The following ESYT1 variants were observed in gnomAD, a reference collection of about 807,000 sequenced individuals.
ESYT1 encodes the protein extended synaptotagmin-1.
Under a neutral mutation model 154.2 loss-of-function variants are expected in ESYT1, and 116 were observed. The ratio of observed to expected loss-of-function variants is 0.75; its 90% CI spans 0.65 to 0.88. ESYT1 has a LOEUF of 0.88. Ranked by LOEUF, ESYT1 falls within the 40% of genes least tolerant of loss-of-function variation. The probability of loss-of-function intolerance (pLI) is 0.00; values close to 1 mark genes in which losing one functional copy is unlikely to be tolerated. For synonymous variants in ESYT1, 500 were observed against 539.9 expected (o/e 0.93, Z 1.02); for missense variants, 1,264 against 1,379.3 (o/e 0.92, Z 1.32).
At chr12:56,136,947 G>T in intron 16 of ESYT1, 54 bp downstream of exon 16, 1 of 1,526,146 alleles carries the variant, frequency 6.6e-7, no homozygotes. Context: ...TTGATTCTTT[G>T]GTATTAAGAG....
rs950279702 is a variant in ESYT1 at position 56,131,742 on chromosome 12, C to T, written c.805-7C>T. The stretch of plus-strand genomic sequence containing the variant: ...GATCTGTCCTGACCCCTGCTCTTTC[C>T]CTCCAGACCCTAGACATCAACTGGA... On this transcript the variant is annotated splice_polypyrimidine_tract_variant and splice_region_variant and intron_variant, in intron 6 of 30. Coordinates refer to ENST00000394048, the MANE Select transcript of ESYT1 (RefSeq NM_015292.3). 1 of 1,614,098 alleles carries T rather than the reference C, an allele frequency of 6.2e-7. No homozygotes were observed. The highest frequency in any genetic ancestry group is 8.5e-7 in the Non-Finnish European group (1 of 1,179,998).
At chr12:56,138,627 G>A (rs1220093651) in intron 22 of ESYT1, 128 bp downstream of exon 22, 3 of 1,281,360 alleles carry the variant, frequency 2.3e-6, no homozygotes, top group African/African-American at 1.5e-5. Context: ...TGCAGGGGTG[G>A]GAAAAGTTGT....
At position 56,142,972 on chromosome 12, in the gene ESYT1, T is replaced by C; in HGVS notation, c.2987+39T>C. 6.2e-7 allele frequency: 1 copy of C among 1,614,072 alleles called. No homozygotes were observed. Among genetic ancestry groups the C allele is most frequent in the Non-Finnish European group, 8.5e-7 (1 of 1,180,002 alleles). ...CCTCCTGTCCTCCAGATCGCCTCCA[T>C]CCCTTCCCTCAGGTTACCATATCAC... On this transcript the variant is annotated intron_variant, in intron 27 of 30. Coordinates refer to ENST00000394048, the MANE Select transcript of ESYT1 (RefSeq NM_015292.3). This position sits in a 1 kb window ranked among gnomAD's most constrained non-coding sequence, Gnocchi z 4.1.
In ESYT1 at chr12:56,134,327, C is replaced by T. The variant is rs1182831107; in HGVS notation, c.1546-15C>T. ...GCTGTGGTATACACCCTTAATCCCT[C>T]CTCTACATCTCCAGGCTGTCTACAG... is the stretch of plus-strand genomic sequence containing the variant. On this transcript the variant is annotated splice_polypyrimidine_tract_variant and intron_variant, in intron 14 of 30. Transcript: ENST00000394048. 1.9e-6 allele frequency: 3 copies of T among 1,613,194 alleles called. No homozygotes were observed. The highest frequency in any genetic ancestry group is 1.3e-5 in the African/African-American group (1 of 74,880).
chr12:56,130,879 C>T lies in ESYT1; in HGVS notation c.521C>T (p.Pro174Leu). Residue 174 changes from proline to leucine, a missense_variant, in exon 3 of 31, where the codon CCC (proline) becomes CTC (leucine). By Grantham distance (98) the Pro-to-Leu change is moderately conservative. Transcript: ENST00000394048. ...GCTCCGGCTGTTAGGGGATCTAACC[C>T]CCATCTGCAAACATTTACATTTACA... ...TVAPAVRGSN[P>L]HLQTFTFTRV... The T allele has an allele frequency of 1.2e-6, 2 of 1,614,144 alleles. No individual in the cohort carries two copies. The highest frequency in any genetic ancestry group is 8.5e-7 in the Non-Finnish European group (1 of 1,180,032).
intron 15 of ESYT1, among the ~76,000 whole-genome samples, chr12:56,135,019 T>G (rs1313052684): frequency 2.6e-5 from 4 of 152,120 alleles, no homozygotes; most frequent in Non-Finnish European, 5.9e-5. Context: ...ACCTTTAAAA[T>G]GCTGAATGTT....
intron 24 of ESYT1, among the ~76,000 whole-genome samples, chr12:56,140,159 G>A (rs1006804892): frequency 5.3e-5 from 8 of 151,596 alleles, no homozygotes; most frequent in Non-Finnish European, 1.0e-4. Context: ...TGAGAACCGC[G>A]CCCCAGCCTA....
intron 3 of ESYT1, 28 bp from the exon 4 acceptor site, chr12:56,131,012 C>T (rs1276526787): frequency 1.2e-6 from 2 of 1,614,130 alleles, no homozygotes; most frequent in Non-Finnish European, 8.5e-7. Context: ...CTATCCCTGC[C>T]CTCTCTCAGG....
At chr12:56,141,073 G>A (rs1164354041) in intron 24 of ESYT1, among the ~76,000 whole-genome samples, 1 of 152,200 alleles carries the variant, frequency 6.6e-6, no homozygotes, top group Non-Finnish European at 1.5e-5. Flanking sequence ...TCATGAGCAA[G>A]CAACCACTCA....
rs1486824642 is a variant in ESYT1, at chr12:56,143,955, A to G, written c.*93A>G. 6.2e-7 allele frequency: 1 copy of G among 1,604,744 alleles called. No individual in the cohort carries two copies. The highest frequency in any genetic ancestry group is 8.5e-7 in the Non-Finnish European group (1 of 1,178,270). On this transcript the variant is annotated 3_prime_UTR_variant, in exon 31 of 31. Transcript: ENST00000394048. ...GTGATGAGCCTAAAGCTAGGGTCCAAGGGCAGAGCCTGTGCCCTTCAGCCC... is the reference window on the plus strand; with the variant it reads ...GTGATGAGCCTAAAGCTAGGGTCCAGGGGCAGAGCCTGTGCCCTTCAGCCC...
chr12:56,137,443 G>A, intron 17 of ESYT1, 56 bp from the exon 18 acceptor site: 5 of 1,609,968 alleles, frequency 3.1e-6, no homozygotes, highest in Non-Finnish European at 4.2e-6. Context: ...TTTCAGGGCA[G>A]ATTCTGACAG....
rs1303600208 is a variant in ESYT1, at chr12:56,132,352, A to G, written c.984+20A>G. ...CCCAGGGTATGGCCTTTCCCCCACT[A>G]GATAGATCCTTCTCTCAGGAACCCC... On this transcript the variant is annotated intron_variant, in intron 8 of 30. Coordinates refer to ENST00000394048, the MANE Select transcript of ESYT1 (RefSeq NM_015292.3). The G allele has an allele frequency of 1.2e-6, 2 of 1,614,038 alleles. No individual in the cohort carries two copies. The highest frequency in any genetic ancestry group is 8.5e-7 in the Non-Finnish European group (1 of 1,180,016).
At position 56,133,611 on chromosome 12, in the gene ESYT1, A is replaced by C; in HGVS notation, c.1317A>C (p.Gln439His). The C allele has an allele frequency of 1.2e-6, 2 of 1,614,244 alleles. No individual in the cohort carries two copies. The highest frequency in any genetic ancestry group is 1.7e-6 in the Non-Finnish European group (2 of 1,180,038). Residue 439 changes from glutamine to histidine, a missense_variant, in exon 12 of 31, where the codon CAA becomes CAC. Transcript: ENST00000394048. ...LDDWFPLQGG[Q>H]GQVHLRLEWL... ...AGTGGTTCCCTCTACAAGGTGGGCA[A>C]GGCCAAGTTCACTTGAGGCTAGAAT...
Position 56,136,865 on chromosome 12 carries a change from C to T in ESYT1, c.1754C>T (p.Ser585Phe). 6.2e-7 allele frequency: 1 copy of T among 1,610,162 alleles called. No individual in the cohort carries two copies. The highest frequency in any genetic ancestry group is 8.5e-7 in the Non-Finnish European group (1 of 1,177,560). Residue 585 changes from serine to phenylalanine, a missense_variant, in exon 16 of 31, where the codon TCC (serine) becomes TTC (phenylalanine). Coordinates refer to ENST00000394048, the MANE Select transcript of ESYT1 (RefSeq NM_015292.3). ...CAGCTCAGCAGCTCTGGTCCAAACT[C>T]CAGACTCTATATGAAACTAGTCATG... ...WFQLSSSGPN[S>F]RLYMKLVMRI... is the part of the protein sequence containing the mutation.
rs1309980482 is a variant in ESYT1 at position 56,142,615 on chromosome 12, G to A, written c.2771G>A (p.Ser924Asn). ...CAGCACTCGGGAGTGGAAGCTCATA[G>A]CCACAGCTACAGCCACAGCTCCTCA... ...VSQHSGVEAHSHSYSHSSSSL... is the reference protein window; with the variant it reads ...VSQHSGVEAHNHSYSHSSSSL... Residue 924 changes from serine to asparagine, a missense_variant, in exon 26 of 31, where the codon AGC becomes AAC. By Grantham distance (46) the Ser-to-Asn change is conservative (BLOSUM62 1). Coordinates refer to ENST00000394048, the MANE Select transcript of ESYT1 (RefSeq NM_015292.3). This position sits in a 1 kb window ranked among gnomAD's most constrained non-coding sequence, Gnocchi z 4.1. 3 of 1,614,100 alleles carry A rather than the reference G, an allele frequency of 1.9e-6. No individual in the cohort carries two copies. In the African/African-American group the frequency reaches 4.0e-5, roughly 22 times the overall value.
chr12:56,133,385 C>T, intron 10 of ESYT1, 32 bp from the exon 11 acceptor site: 1 of 1,613,982 alleles, frequency 6.2e-7, no homozygotes, highest in Non-Finnish European at 8.5e-7. Context: ...CCTTTTCTTC[C>T]TTTCACTACC....
chr12:56,139,461 A>G (rs1870601827), intron 24 of ESYT1, among the ~76,000 whole-genome samples: 1 of 151,924 alleles, frequency 6.6e-6, no homozygotes, highest in African/African-American at 2.4e-5. Context: ...TTTTGGGAGA[A>G]AAATAACCAG....
chr12:56,140,919 GA>G (rs1870662571), intron 24 of ESYT1, among the ~76,000 whole-genome samples: 4 of 152,196 alleles, frequency 2.6e-5, no homozygotes, highest in African/African-American at 9.7e-5. Flanking sequence ...TGGCTAGATG[GA>G]TAAGGGTGCC....
chr12:56,139,109 A>AAT, intron 24 of ESYT1, 96 bp downstream of exon 24: 1 of 863,918 alleles, frequency 1.2e-6, no homozygotes, highest in Non-Finnish European at 1.8e-6. Context: ...TAAAAGGTTG[A>AAT]CTTTTTTTTT....
Sources: allele counts gnomAD v4.1 joint callset (sites outside exome capture counted in the v4.1 genomes callset), GRCh38; gene constraint gnomAD v4.1.1; non-coding constraint Gnocchi (gnomAD v3.1); transcripts MANE v1.5; gene names NCBI Gene and HGNC (gene_info 2026-07-23, HGNC 2026-07-21).